The following PER3 variants were observed in gnomAD, a reference collection of about 807,000 sequenced individuals.
PER3 encodes the protein period circadian protein homolog 3.
In PER3, 107 loss-of-function variants were observed where a neutral mutation model predicts 127.2. The observed-to-expected ratio is 0.84, with a 90% confidence interval of 0.72 to 0.99. The LOEUF (loss-of-function observed/expected upper bound fraction) is 0.99, where lower values mean the gene tolerates loss of function less well. PER3 is among the 50% of genes least tolerant of loss of function. The pLI, the probability that PER3 is intolerant of heterozygous loss-of-function variation, is 0.00. For missense variants in PER3, 1,560 were observed against 1,525.8 expected (o/e 1.02, Z -0.37); for synonymous variants, 618 against 585.8 (o/e 1.05, Z -0.79).
intron 21 of PER3, among the ~76,000 whole-genome samples, chr1:7,841,767 C>T (rs995988743): frequency 6.6e-6 from 1 of 152,152 alleles, no homozygotes; most frequent in African/African-American, 2.4e-5. Flanking sequence ...CACCAAAAAG[C>T]AGGAGCTGGG....
In PER3 at chr1:7,784,850, C is replaced by T. The variant is rs1400379408; in HGVS notation, c.-28C>T. ...AAGCAGGCTGCGGGCCGTCCCAGCA[C>T]GACGTGGAGCCCCGCGGAGACCTCG... On this transcript the variant is annotated 5_prime_UTR_variant, in exon 2 of 22. In the 5' UTR this introduces an upstream ATG that the reference lacks. Transcript: ENST00000377532. 5 of 1,448,014 alleles carry T rather than the reference C, an allele frequency of 3.5e-6. No individual in the cohort carries two copies. Among genetic ancestry groups the T allele is most frequent in the South Asian group, 3.1e-5 (2 of 63,762 alleles). 89.7% of individuals were successfully genotyped at this position (1,448,014 alleles called of 1,614,324 possible).
chr1:7,801,340 TGTC>T, intron 8 of PER3, 149 bp downstream of exon 8: 1 of 554,378 alleles, frequency 1.8e-6, no homozygotes, highest in South Asian at 2.6e-5. Flanking sequence ...AAATGTATGT[TGTC>T]TAAATTTTTA....
rs1192902030 is a variant in PER3, at chr1:7,827,448, G to A, written c.2519G>A (p.Gly840Asp). ...CTGCATGGGCTGCCCTTGTCCGAGGGCTTGCAGCCTTACCCAGCTTTCCCT... is the reference window on the plus strand; with the variant it reads ...CTGCATGGGCTGCCCTTGTCCGAGGACTTGCAGCCTTACCCAGCTTTCCCT... ...EGLHGLPLSE[G>D]LQPYPAFPFP... The change falls in exon 18 of 22, where the codon GGC (glycine) becomes GAC (aspartate). Residue 840 changes from glycine (G) to aspartate (D), a missense_variant. By Grantham distance (94) the Gly-to-Asp change is moderately conservative. Coordinates refer to ENST00000377532, the MANE Select transcript of PER3 (RefSeq NM_001377275.1). 1.9e-6 allele frequency: 3 copies of A among 1,614,060 alleles called. No individual in the cohort carries two copies. Among genetic ancestry groups the A allele is most frequent in the Non-Finnish European group, 2.5e-6 (3 of 1,180,030 alleles).
intron 13 of PER3, among the ~76,000 whole-genome samples, chr1:7,815,505 C>G (rs1293114165): frequency 6.6e-6 from 1 of 152,126 alleles, no homozygotes; most frequent in African/African-American, 2.4e-5. Context: ...GGAGTTGATT[C>G]CTTAGGAACA....
chr1:7,796,821 C>G (rs1180525280), intron 6 of PER3, among the ~76,000 whole-genome samples: 1 of 152,108 alleles, frequency 6.6e-6, no homozygotes, highest in African/African-American at 2.4e-5. Context: ...AAGCGATATT[C>G]TGGATATTTT....
At chr1:7,820,750 A>G (rs2097272957) in intron 16 of PER3, 110 bp downstream of exon 16, 3 of 829,498 alleles carry the variant, frequency 3.6e-6, no homozygotes, top group Admixed American at 3.3e-5. Context: ...TAAACTACAC[A>G]TATTTTTTCC....
At chr1:7,788,907 GA>G (rs56279930) in intron 5 of PER3, among the ~76,000 whole-genome samples, 39,799 of 141,756 alleles carry the variant, frequency 0.28, 5,545 homozygotes, top group Middle Eastern at 0.46. Flanking sequence ...TGTTTCTGGG[GA>G]AAAAAAAAAA....
chr1:7,792,558 T>C (rs989039470), intron 5 of PER3, among the ~76,000 whole-genome samples: 1 of 152,274 alleles, frequency 6.6e-6, no homozygotes, highest in East Asian at 1.9e-4. Flanking sequence ...TTTTGCCTTA[T>C]GAATCTCAAG....
intron 18 of PER3, among the ~76,000 whole-genome samples, chr1:7,829,301 A>G (rs2097317516): frequency 6.6e-6 from 1 of 152,238 alleles, no homozygotes; most frequent in Admixed American, 6.5e-5. Context: ...ACATAGAACA[A>G]TGATAACAAT....
At chr1:7,801,282 T>C (rs2097169778) in intron 8 of PER3, 91 bp downstream of exon 8, 3 of 757,440 alleles carry the variant, frequency 4.0e-6, no homozygotes, top group Non-Finnish European at 4.5e-6. Context: ...GTTTATACAT[T>C]ATGTAATTGA....
At chr1:7,813,114 G>A (rs947146616) in intron 13 of PER3, among the ~76,000 whole-genome samples, 19 of 152,184 alleles carry the variant, frequency 1.2e-4, no homozygotes, top group African/African-American at 4.3e-4. Context: ...GTTAATATGG[G>A]AGGGCAAGGA....
intron 18 of PER3, 58 bp from the exon 19 acceptor site, chr1:7,829,776 C>A: frequency 1.5e-6 from 2 of 1,376,526 alleles, no homozygotes; most frequent in South Asian, 1.2e-5. Context: ...TAAAGGAGGA[C>A]TACTGTATTT....
rs140615851 is a variant in PER3 at position 7,817,740 on chromosome 1, A to T, written c.1523-1545A>T. Among the ~76,000 whole-genome samples, 1,238 of 152,334 alleles carry T rather than the reference A, an allele frequency of 8.1e-3. 17 individuals carry two copies. Among genetic ancestry groups the T allele is most frequent in the African/African-American group, 0.028 (1,174 of 41,566 alleles). Reference sequence around the variant, plus strand: ...CGGGTTAGTATATTATACCAAATAAAGAATAAAACAGATGGTTCAGGCAAA... The same window carrying T: ...CGGGTTAGTATATTATACCAAATAATGAATAAAACAGATGGTTCAGGCAAA... On this transcript the variant is annotated intron_variant, in intron 13 of 21. Transcript: ENST00000377532.
chr1:7,802,976 A>G (rs1408165557), intron 8 of PER3, 71 bp from the exon 9 acceptor site: 2 of 844,712 alleles, frequency 2.4e-6, no homozygotes, highest in Admixed American at 1.7e-5. Context: ...AATGAAATAC[A>G]GAAGTATTTT....
chr1:7,842,232 G>A (rs1168460609), intron 21 of PER3, among the ~76,000 whole-genome samples: 1 of 152,188 alleles, frequency 6.6e-6, no homozygotes, highest in African/African-American at 2.4e-5. Context: ...GCTGGGCGCG[G>A]TGTCTACTAC....
intron 21 of PER3, 49 bp downstream of exon 21, chr1:7,837,198 T>G (rs1577973483): frequency 6.5e-7 from 1 of 1,527,168 alleles, no homozygotes; most frequent in South Asian, 1.2e-5. Flanking sequence ...TTTGGCCAGG[T>G]AGTGCTTTTA....
intron 16 of PER3, among the ~76,000 whole-genome samples, chr1:7,823,159 A>C (rs2097285371): frequency 6.6e-6 from 1 of 152,268 alleles, no homozygotes. Flanking sequence ...TACAAGTGAA[A>C]TTCACAAATG....
intron 8 of PER3, among the ~76,000 whole-genome samples, chr1:7,801,489 T>C (rs2097170509): frequency 6.6e-6 from 1 of 152,188 alleles, no homozygotes; most frequent in South Asian, 2.1e-4. Flanking sequence ...TGAGAACAGA[T>C]GTATAGTATC....
In PER3 at chr1:7,803,822, C is replaced by A; in HGVS notation, c.1110C>A (p.Phe370Leu). The A allele has an allele frequency of 6.2e-7, 1 of 1,613,792 alleles. No individual in the cohort carries two copies. Among genetic ancestry groups the A allele is most frequent in the African/African-American group, 1.3e-5 (1 of 75,030 alleles). Residue 370 changes from phenylalanine (F) to leucine (L), a missense_variant, in exon 10 of 22, where the codon TTC (phenylalanine) becomes TTA (leucine). Coordinates refer to ENST00000377532, the MANE Select transcript of PER3 (RefSeq NM_001377275.1). The part of the protein sequence containing the change: ...FVNPWSRKIS[F>L]IIGRHKVRTS... ...ATCCCTGGAGCCGGAAGATTTCTTT[C>A]ATCATTGGTCGGCATAAAGTTCGAA...
Sources: allele counts gnomAD v4.1 joint callset (sites outside exome capture counted in the v4.1 genomes callset), GRCh38; gene constraint gnomAD v4.1.1; transcripts MANE v1.5; gene names NCBI Gene and HGNC (gene_info 2026-07-23, HGNC 2026-07-21).